MAGI3: variants seen among roughly 807,000 people sequenced by gnomAD.
The protein encoded by MAGI3 is membrane-associated guanylate kinase, WW and PDZ domain-containing protein 3.
MAGI3 carries 43 observed loss-of-function variants against 121.8 expected under a neutral mutation model. The observed-to-expected ratio is 0.35, with a 90% CI of 0.28 to 0.46. The LOEUF (loss-of-function observed/expected upper bound fraction) is 0.46, where lower values mean the gene tolerates loss of function less well. Ranked by LOEUF, MAGI3 falls within the 20% of genes least tolerant of loss-of-function variation. MAGI3 has a pLI of 1.00. For missense variants in MAGI3, 1,547 were observed against 1,797.3 expected (o/e 0.86, Z 2.52); for synonymous variants, 553 against 639.3 (o/e 0.86, Z 2.04).
chr1:113,406,770 C>G (rs1054697726), intron 1 of MAGI3, among the ~76,000 whole-genome samples: 1 of 152,004 alleles, frequency 6.6e-6, no homozygotes, highest in Non-Finnish European at 1.5e-5. Flanking sequence ...AAAAAAATTT[C>G]CTCTGATTAC....
At chr1:113,470,780 GA>G (rs1655503691) in intron 1 of MAGI3, among the ~76,000 whole-genome samples, 2 of 152,026 alleles carry the variant, frequency 1.3e-5, no homozygotes, top group South Asian at 4.1e-4. Flanking sequence ...ATATAAGTGA[GA>G]TGGAGTATTT....
intron 9 of MAGI3, among the ~76,000 whole-genome samples, chr1:113,640,923 T>TAAAA (rs1159148233): frequency 3.4e-5 from 2 of 58,788 alleles, no homozygotes; most frequent in South Asian, 5.2e-4. Flanking sequence ...ATATGATATA[T>TAAAA]TTTATATATC....
chr1:113,635,839 G>T (rs1226646487), intron 9 of MAGI3, among the ~76,000 whole-genome samples: 1 of 151,578 alleles, frequency 6.6e-6, no homozygotes, highest in Non-Finnish European at 1.5e-5. Flanking sequence ...GAATTCGGCT[G>T]TGAATCCATC....
chr1:113,559,047 A>G (rs1557822746), intron 2 of MAGI3, among the ~76,000 whole-genome samples: 1 of 152,210 alleles, frequency 6.6e-6, no homozygotes, highest in South Asian at 2.1e-4. Flanking sequence ...CACCTTAAGG[A>G]AACACTAAAT....
chr1:113,416,394 A>T (rs1371093262), intron 1 of MAGI3, among the ~76,000 whole-genome samples: 1 of 99,660 alleles, frequency 1.0e-5, no homozygotes, highest in African/African-American at 3.6e-5. Context: ...ATATATATTA[A>T]TTATTAATTA....
At chr1:113,551,961 C>T (rs1486465852) in intron 2 of MAGI3, among the ~76,000 whole-genome samples, 3 of 151,946 alleles carry the variant, frequency 2.0e-5, no homozygotes, top group African/African-American at 4.8e-5. Flanking sequence ...CCTTCCTTCT[C>T]TCCCATCATC....
intron 16 of MAGI3, among the ~76,000 whole-genome samples, chr1:113,660,702 C>T (rs1653737283): frequency 6.6e-6 from 1 of 150,896 alleles, no homozygotes; most frequent in Non-Finnish European, 1.5e-5. Context: ...GCAGTCTCAA[C>T]CTCCCGGGCT....
In MAGI3 at chr1:113,395,087, G is replaced by GTTTTTTTTTTTT. The variant is rs139532433; in HGVS notation, c.316+3756_316+3767dup. 6.6e-4 allele frequency among the ~76,000 whole-genome samples: 22 copies of GTTTTTTTTTTTT among 33,238 alleles called. 1 individual carries two copies. Among genetic ancestry groups the GTTTTTTTTTTTT allele is most frequent in the African/African-American group, 1.4e-3 (9 of 6,418 alleles). 21.8% of individuals were successfully genotyped at this position (33,238 alleles called of 152,430 possible). ...TCTTATCTCTTGAATCTTTTTGTTA[G>GTTTTTTTTTTTT]TTTTTTTTTTTTTTTTTTTTTTTTT... On this transcript the variant is annotated intron_variant, in intron 1 of 20. Coordinates refer to ENST00000307546, the MANE Select transcript of MAGI3 (RefSeq NM_001142782.2).
intron 1 of MAGI3, among the ~76,000 whole-genome samples, chr1:113,494,328 G>A (rs993215055): frequency 2.0e-5 from 3 of 151,952 alleles, no homozygotes; most frequent in East Asian, 1.9e-4. Flanking sequence ...ACGTGGACAC[G>A]GGAACAACAC....
At chr1:113,617,982 T>C (rs1440467540) in intron 7 of MAGI3, among the ~76,000 whole-genome samples, 2 of 152,194 alleles carry the variant, frequency 1.3e-5, no homozygotes, top group Non-Finnish European at 2.9e-5. Context: ...ACGTCTGTTG[T>C]GGAACTGATA....
chr1:113,561,273 G>T (rs1660223995), intron 2 of MAGI3, among the ~76,000 whole-genome samples: 1 of 152,160 alleles, frequency 6.6e-6, no homozygotes, highest in African/African-American at 2.4e-5. Flanking sequence ...TATGAGGCCA[G>T]CATCATCCTG....
intron 9 of MAGI3, among the ~76,000 whole-genome samples, chr1:113,631,118 A>G (rs1350215485): frequency 2.0e-5 from 3 of 152,158 alleles, no homozygotes; most frequent in South Asian, 2.1e-4. Context: ...ACTGAGTTCA[A>G]TGCAAATCCT....
intron 1 of MAGI3, among the ~76,000 whole-genome samples, chr1:113,402,772 A>T (rs1351174905): frequency 6.6e-6 from 1 of 152,096 alleles, no homozygotes. Context: ...GAGAAGAGGG[A>T]TTGTGCTCTT....
At position 113,503,403 on chromosome 1, in the gene MAGI3, T is replaced by C. The variant is rs1451682721; in HGVS notation, c.317-46112T>C. On this transcript the variant is annotated intron_variant, in intron 1 of 20. Coordinates refer to ENST00000307546, the MANE Select transcript of MAGI3 (RefSeq NM_001142782.2). ...TAATTTTCTCAATACTGTAAATATT[T>C]TTCAATCTTCAGCTTCATTAACTTC... is the stretch of plus-strand genomic sequence containing the variant. Among the ~76,000 whole-genome samples the C allele has an allele frequency of 2.0e-5, 3 of 151,510 alleles. No individual in the cohort carries two copies. In the East Asian group the frequency reaches 5.8e-4, roughly 29 times the overall value.
At chr1:113,418,686 C>G (rs1652582614) in intron 1 of MAGI3, among the ~76,000 whole-genome samples, 1 of 152,058 alleles carries the variant, frequency 6.6e-6, no homozygotes, top group South Asian at 2.1e-4. Flanking sequence ...GAATCTCCTG[C>G]TGTCTTTAAC....
chr1:113,605,737 C>A (rs1354623008), intron 6 of MAGI3, among the ~76,000 whole-genome samples: 1 of 151,968 alleles, frequency 6.6e-6, no homozygotes. Flanking sequence ...GTAGCTGGGA[C>A]TACTGGCACA....
chr1:113,394,834 A>G (rs1651006953), intron 1 of MAGI3, among the ~76,000 whole-genome samples: 1 of 152,182 alleles, frequency 6.6e-6, no homozygotes, highest in Admixed American at 6.5e-5. Flanking sequence ...CATAGGAAAC[A>G]ATGTTATAGT....
intron 7 of MAGI3, among the ~76,000 whole-genome samples, chr1:113,617,076 A>G (rs1338781063): frequency 6.6e-6 from 1 of 152,046 alleles, no homozygotes; most frequent in Admixed American, 6.6e-5. Context: ...TTTAGTAGAG[A>G]TGGGGTTTCA....
intron 1 of MAGI3, among the ~76,000 whole-genome samples, chr1:113,414,467 T>C (rs1652192376): frequency 6.6e-6 from 1 of 152,162 alleles, no homozygotes; most frequent in Non-Finnish European, 1.5e-5. Context: ...AGCTCCTCTT[T>C]GTACCTCTGT....
Sources: allele counts gnomAD v4.1 joint callset (sites outside exome capture counted in the v4.1 genomes callset), GRCh38; gene constraint gnomAD v4.1.1; transcripts MANE v1.5; gene names NCBI Gene and HGNC (gene_info 2026-07-23, HGNC 2026-07-21).